The following RASSF9 variants were observed in gnomAD, a reference collection of about 807,000 sequenced individuals.
RASSF9 encodes Ras association domain family member 9.
RASSF9 carries 18 observed loss-of-function variants against 21.4 expected under a neutral mutation model. That is an observed-to-expected ratio of 0.84 (90% CI 0.58 to 1.25). The LOEUF is 1.25. RASSF9 is among the 50% of genes most tolerant of loss of function. The probability of loss-of-function intolerance (pLI) is 0.00; values close to 1 mark genes in which losing one functional copy is unlikely to be tolerated. For missense variants in RASSF9, 480 were observed against 503.2 expected (o/e 0.95, Z 0.44); for synonymous variants, 183 against 179.1 (o/e 1.02, Z -0.18).
intron 1 of RASSF9, among the ~76,000 whole-genome samples, chr12:85,819,782 A>C (rs188589048): frequency 6.6e-6 from 1 of 152,214 alleles, no homozygotes; most frequent in African/African-American, 2.4e-5. Flanking sequence ...AGAAAAACCA[A>C]AAGAAAGAAG....
Position 85,805,971 on chromosome 12 carries a change from AAAAC to A in RASSF9, c.48-13_48-10del, listed in dbSNP as rs1879823475. 2 of 1,597,060 alleles carry A rather than the reference AAAAC, an allele frequency of 1.3e-6. No individual in the cohort carries two copies. ...TGTCTTTAGTTGGAGATCTGAAAGA[AAAAC>A]AAAAGCACATTATATTTCTGTCATT... On this transcript the variant is annotated splice_polypyrimidine_tract_variant and intron_variant, in intron 1 of 1. Transcript: ENST00000361228.
rs1320087307 is a variant in RASSF9, at chr12:85,802,401, A to G, written c.*2301T>C. 6.6e-6 allele frequency: 1 copy of G among 152,208 alleles called. No individual in the cohort carries two copies. Among genetic ancestry groups the G allele is most frequent in the Non-Finnish European group, 1.5e-5 (1 of 68,022 alleles). The allele number at this position is 152,208 out of a possible 1,614,324, so 9.4% of individuals were successfully genotyped here. Reference sequence around the variant, plus strand: ...TGAAGGATTAAAACTTAATGATTGTAGTGATCAAACGCACAAATACATTTG... The same window carrying G: ...TGAAGGATTAAAACTTAATGATTGTGGTGATCAAACGCACAAATACATTTG... On this transcript the variant is annotated 3_prime_UTR_variant, in exon 2 of 2. Coordinates refer to ENST00000361228, the MANE Select transcript of RASSF9 (RefSeq NM_005447.4).
intron 1 of RASSF9, among the ~76,000 whole-genome samples, chr12:85,824,140 A>G (rs372983033): frequency 1.1e-4 from 16 of 152,076 alleles, no homozygotes; most frequent in African/African-American, 2.9e-4. Flanking sequence ...TTTCATTTTC[A>G]TAACTTACAG....
At chr12:85,814,641 A>G (rs1286472245) in intron 1 of RASSF9, among the ~76,000 whole-genome samples, 2 of 150,532 alleles carry the variant, frequency 1.3e-5, no homozygotes. Context: ...CATTCTATTT[A>G]ACAAAATATG....
In RASSF9 at chr12:85,836,196, A is replaced by C. The variant is rs1160487921; in HGVS notation, c.6T>G (p.Ala2=). M[A]PFGRNLLKTR... is the part of the protein sequence containing the mutation. ...TCTTTAGCAAGTTTCTTCCAAAGGG[A>C]GCCATGGTCTGTCGGGCAAACGAAT... The change falls in exon 1 of 2, where the codon GCT becomes GCG. Residue 2 remains alanine, a synonymous_variant. Coordinates refer to ENST00000361228, the MANE Select transcript of RASSF9 (RefSeq NM_005447.4). 1 of 1,517,952 alleles carries C rather than the reference A, an allele frequency of 6.6e-7. No individual in the cohort carries two copies. The highest frequency in any genetic ancestry group is 2.6e-5 in the East Asian group (1 of 38,678). 94.0% of individuals were successfully genotyped at this position (1,517,952 alleles called of 1,614,324 possible).
chr12:85,820,912 G>A (rs1880192508), intron 1 of RASSF9, among the ~76,000 whole-genome samples: 1 of 152,060 alleles, frequency 6.6e-6, no homozygotes, highest in African/African-American at 2.4e-5. Flanking sequence ...TTGGGAGGCT[G>A]AGGTGGGCAG....
At chr12:85,814,888 AAAG>A (rs1338167725) in intron 1 of RASSF9, among the ~76,000 whole-genome samples, 6 of 152,066 alleles carry the variant, frequency 3.9e-5, no homozygotes, top group African/African-American at 1.4e-4. Flanking sequence ...TATGGGATAA[AAAG>A]AAGATGTGTG....
chr12:85,832,491 A>G (rs1056981181), intron 1 of RASSF9, among the ~76,000 whole-genome samples: 1 of 151,888 alleles, frequency 6.6e-6, no homozygotes, highest in African/African-American at 2.4e-5. Context: ...CCTTACCTTG[A>G]AAACCTAATC....
At chr12:85,809,469 G>A (rs1002320489) in intron 1 of RASSF9, among the ~76,000 whole-genome samples, 5 of 151,962 alleles carry the variant, frequency 3.3e-5, no homozygotes, top group African/African-American at 7.2e-5. Context: ...AGTTGATGCA[G>A]TAATAAAATA....
intron 1 of RASSF9, among the ~76,000 whole-genome samples, chr12:85,824,203 A>G (rs1027414763): frequency 4.6e-5 from 7 of 152,188 alleles, no homozygotes; most frequent in African/African-American, 1.7e-4. Context: ...TCTCTAAAAT[A>G]TCAAACTATT....
intron 1 of RASSF9, among the ~76,000 whole-genome samples, chr12:85,813,452 T>C (rs888202807): frequency 6.6e-6 from 1 of 151,982 alleles, no homozygotes; most frequent in Non-Finnish European, 1.5e-5. Context: ...TAAATTAAGT[T>C]TAAATCTTGA....
intron 1 of RASSF9, among the ~76,000 whole-genome samples, chr12:85,818,912 T>C (rs1273173064): frequency 7.4e-6 from 1 of 135,188 alleles, no homozygotes; most frequent in African/African-American, 2.9e-5. Flanking sequence ...TGAGCTGATA[T>C]CGCGCCACTA....
intron 1 of RASSF9, among the ~76,000 whole-genome samples, chr12:85,821,675 G>A (rs1456840257): frequency 1.3e-5 from 2 of 151,440 alleles, no homozygotes; most frequent in Non-Finnish European, 3.0e-5. Flanking sequence ...GTGTGTGTGT[G>A]TTTATTTGTA....
In RASSF9 at chr12:85,805,467, A is replaced by T. The variant is rs759170648; in HGVS notation, c.543T>A (p.Asp181Glu). The T allele has an allele frequency of 1.5e-5, 25 of 1,613,998 alleles. No individual in the cohort carries two copies. Among genetic ancestry groups the T allele is most frequent in the Non-Finnish European group, 2.0e-5 (24 of 1,179,892 alleles). ...IKQDTVSHDRDNMETLVHLII... is the reference protein window; with the variant it reads ...IKQDTVSHDRENMETLVHLII... The stretch of plus-strand genomic sequence containing the variant: ...TCAGATGAACTAATGTCTCCATATT[A>T]TCTCGATCATGAGAAACTGTGTCCT... Residue 181 changes from aspartate to glutamate, a missense_variant, in exon 2 of 2, where the codon GAT becomes GAA. By Grantham distance (45) the Asp-to-Glu change is conservative (BLOSUM62 2). Transcript: ENST00000361228.
intron 1 of RASSF9, among the ~76,000 whole-genome samples, chr12:85,830,045 T>TAGCC (rs1470144251): frequency 6.6e-6 from 1 of 152,100 alleles, no homozygotes; most frequent in East Asian, 1.9e-4. Flanking sequence ...AATTAAAAGG[T>TAGCC]AGCCACTCAG....
rs1880211398 is a variant in RASSF9 at position 85,821,576 on chromosome 12, C to G, written c.47+14579G>C. The stretch of plus-strand genomic sequence containing the variant: ...CAGAAAATTAATGACTCTATGAAAA[C>G]CTAGGACAGTCATCACTTAATAAAA... On this transcript the variant is annotated intron_variant, in intron 1 of 1. Transcript: ENST00000361228. 3.9e-5 allele frequency among the ~76,000 whole-genome samples: 6 copies of G among 151,960 alleles called. No homozygotes were observed. In the South Asian group the frequency reaches 1.2e-3, roughly 32 times the overall value.
At chr12:85,822,693 C>T (rs993293270) in intron 1 of RASSF9, among the ~76,000 whole-genome samples, 1 of 152,142 alleles carries the variant, frequency 6.6e-6, no homozygotes, top group African/African-American at 2.4e-5. Flanking sequence ...CTGTCGCCAC[C>T]TCTTCTAGGA....
chr12:85,824,618 C>T (rs1053574131), intron 1 of RASSF9, among the ~76,000 whole-genome samples: 1 of 152,104 alleles, frequency 6.6e-6, no homozygotes, highest in Non-Finnish European at 1.5e-5. Flanking sequence ...CTCTGTCTCT[C>T]TTTATCCCAC....
intron 1 of RASSF9, among the ~76,000 whole-genome samples, chr12:85,813,291 C>T (rs1215449329): frequency 6.6e-6 from 1 of 151,628 alleles, no homozygotes; most frequent in Non-Finnish European, 1.5e-5. Flanking sequence ...GAAGAAAAAG[C>T]TTAAAATAGT....
Sources: gnomAD v4.1 joint callset for allele counts (sites outside exome capture counted in the v4.1 genomes callset) on GRCh38, gnomAD v4.1.1 for gene constraint, MANE v1.5 for transcripts, NCBI Gene and HGNC (gene_info 2026-07-23, HGNC 2026-07-21) for gene names.